The following STX7 variants were observed in gnomAD, a reference collection of about 807,000 sequenced individuals.
The protein encoded by STX7 is syntaxin 7.
STX7 carries 34 observed loss-of-function variants against 39.6 expected under a neutral mutation model. The ratio of observed to expected loss-of-function variants is 0.86; its 90% CI spans 0.65 to 1.14. The LOEUF is 1.14. STX7 is among the 50% of genes most tolerant of loss of function. The pLI is 0.00. For synonymous variants in STX7, 119 were observed against 99.1 expected (o/e 1.20, Z -1.19); for missense variants, 284 against 310.4 (o/e 0.92, Z 0.64).
intron 1 of STX7, among the ~76,000 whole-genome samples, chr6:132,512,718 C>T (rs1582693220): frequency 6.6e-6 from 1 of 152,322 alleles, no homozygotes; most frequent in East Asian, 1.9e-4. Flanking sequence ...GGAGCTCTGC[C>T]CAGGGGACCG....
At position 132,451,537 on chromosome 6, in the gene STX7, A is replaced by G. The variant is rs914093817; in HGVS notation, c.*9221T>C. The G allele has an allele frequency of 5.0e-4, 76 of 152,324 alleles. No individual in the cohort carries two copies. The highest frequency in any genetic ancestry group is 1.7e-3 in the African/African-American group (69 of 41,578). 9.4% of individuals were successfully genotyped at this position (152,324 alleles called of 1,614,324 possible). A position where few individuals can be genotyped will look rare whatever the true frequency, so the allele number is the denominator to read the frequency against. On this transcript the variant is annotated 3_prime_UTR_variant, in exon 10 of 10. Coordinates refer to ENST00000367941, the MANE Select transcript of STX7 (RefSeq NM_003569.3). ...AGAAAACTGAGAGAATTTGTTGCCA[A>G]TGGAACTACAATAATAATAATAAGG...
chr6:132,491,602 A>C (rs1350411574), intron 2 of STX7, among the ~76,000 whole-genome samples: 1 of 152,110 alleles, frequency 6.6e-6, no homozygotes. Flanking sequence ...TGATTTCAAT[A>C]CACAGGCTGA....
At chr6:132,509,840 A>T (rs751136863) in intron 1 of STX7, among the ~76,000 whole-genome samples, 4 of 152,240 alleles carry the variant, frequency 2.6e-5, no homozygotes, top group Admixed American at 2.0e-4. Flanking sequence ...ATCTCTGCAT[A>T]TAGGCTAAAT....
intron 2 of STX7, among the ~76,000 whole-genome samples, chr6:132,493,685 G>C (rs1775351632): frequency 1.3e-5 from 2 of 152,158 alleles, no homozygotes; most frequent in Admixed American, 6.5e-5. Context: ...AGCAATGTGA[G>C]AATGGACTAA....
At chr6:132,464,782 C>T (rs145335371) in intron 8 of STX7, among the ~76,000 whole-genome samples, 1 of 152,276 alleles carries the variant, frequency 6.6e-6, no homozygotes, top group East Asian at 1.9e-4. Context: ...GCCATTTACT[C>T]TGTGGTCATC....
In STX7 at chr6:132,454,416, T is replaced by C. The variant is rs537272121; in HGVS notation, c.*6342A>G. The C allele has an allele frequency of 6.6e-6, 1 of 152,264 alleles. No individual in the cohort carries two copies. The highest frequency in any genetic ancestry group is 2.1e-4 in the South Asian group (1 of 4,828). The allele number at this position is 152,264 out of a possible 1,614,324, so 9.4% of individuals were successfully genotyped here. On this transcript the variant is annotated 3_prime_UTR_variant, in exon 10 of 10. Transcript: ENST00000367941. ...TCAGTATCCTGGGTATGATATTGTA[T>C]GACAGTTTTGAAAGATGTTCACTGT...
intron 2 of STX7, among the ~76,000 whole-genome samples, chr6:132,500,001 T>C (rs1018366183): frequency 4.6e-5 from 7 of 152,092 alleles, no homozygotes; most frequent in African/African-American, 1.4e-4. Context: ...CTACCATCCC[T>C]ACCCACATGC....
At chr6:132,471,712 A>T in intron 4 of STX7, 112 bp from the exon 5 acceptor site, 1 of 1,196,070 alleles carries the variant, frequency 8.4e-7, no homozygotes, top group Non-Finnish European at 1.2e-6. Flanking sequence ...CCCCAATTAC[A>T]GGGCCTTACA....
intron 2 of STX7, among the ~76,000 whole-genome samples, chr6:132,494,564 G>A (rs1775376473): frequency 6.6e-6 from 1 of 151,636 alleles, no homozygotes; most frequent in Admixed American, 6.6e-5. Context: ...ATGTAGATCT[G>A]GGAAGATGTC....
chr6:132,502,128 G>A (rs1456074053), intron 2 of STX7, among the ~76,000 whole-genome samples: 5 of 152,204 alleles, frequency 3.3e-5, no homozygotes, highest in African/African-American at 1.2e-4. Flanking sequence ...ATACCACTGT[G>A]CACAGCAGCA....
intron 3 of STX7, among the ~76,000 whole-genome samples, chr6:132,474,808 C>A (rs1469423905): frequency 2.0e-5 from 3 of 152,144 alleles, no homozygotes; most frequent in African/African-American, 7.2e-5. Flanking sequence ...TGCTGGTCTT[C>A]TAACAGCATA....
At chr6:132,477,998 T>C (rs2114399070) in intron 2 of STX7, among the ~76,000 whole-genome samples, 1 of 152,184 alleles carries the variant, frequency 6.6e-6, no homozygotes, top group South Asian at 2.1e-4. Context: ...GTTGAGAATA[T>C]AATTACAATC....
At chr6:132,488,126 T>C (rs1036579434) in intron 2 of STX7, among the ~76,000 whole-genome samples, 3 of 152,244 alleles carry the variant, frequency 2.0e-5, no homozygotes, top group Non-Finnish European at 2.9e-5. Context: ...TTCCTCTTTT[T>C]GGCTTTCTCT....
At chr6:132,501,955 A>G (rs1029718897) in intron 2 of STX7, among the ~76,000 whole-genome samples, 2 of 151,890 alleles carry the variant, frequency 1.3e-5, no homozygotes, top group African/African-American at 4.8e-5. Context: ...AGCAAAGCAG[A>G]GCCAACGCCG....
At position 132,463,457 on chromosome 6, in the gene STX7, G is replaced by A. The variant is rs990853117; in HGVS notation, c.693+536C>T. Reference sequence around the variant, plus strand: ...GCATGTGGACTCCCTATATTAACCCGACTCAAGAAATAAATTCATTCCTGG... The same window carrying A: ...GCATGTGGACTCCCTATATTAACCCAACTCAAGAAATAAATTCATTCCTGG... On this transcript the variant is annotated intron_variant, in intron 9 of 9. Coordinates refer to ENST00000367941, the MANE Select transcript of STX7 (RefSeq NM_003569.3). Among the ~76,000 whole-genome samples the A allele has an allele frequency of 5.3e-5, 8 of 152,014 alleles. No individual in the cohort carries two copies. The South Asian group carries it at 8.3e-4, about 16-fold the overall frequency.
rs1440304257 is a variant in STX7, at chr6:132,512,988, C to T, written c.-59+19G>A. 1 of 152,340 alleles carries T rather than the reference C, an allele frequency of 6.6e-6. No homozygotes were observed. The highest frequency in any genetic ancestry group is 1.5e-5 in the Non-Finnish European group (1 of 68,132). The allele number at this position is 152,340 out of a possible 1,614,324, so 9.4% of individuals were successfully genotyped here. ...CCCTGTCGCCCGGCCAGGGAGCCCCCTCCCCAGGGTCCTCTTACCTGGACC... is the reference window on the plus strand; with the variant it reads ...CCCTGTCGCCCGGCCAGGGAGCCCCTTCCCCAGGGTCCTCTTACCTGGACC... On this transcript the variant is annotated intron_variant, in intron 1 of 9. Coordinates refer to ENST00000367941, the MANE Select transcript of STX7 (RefSeq NM_003569.3).
Position 132,456,474 on chromosome 6 carries a change from T to G in STX7, c.*4284A>C, listed in dbSNP as rs1266448428. 6.6e-6 allele frequency: 1 copy of G among 152,144 alleles called. No homozygotes were observed. Among genetic ancestry groups the G allele is most frequent in the Non-Finnish European group, 1.5e-5 (1 of 68,032 alleles). The allele number at this position is 152,144 out of a possible 1,614,324, so 9.4% of individuals were successfully genotyped here. ...TAGAACACTATGCCCAGGCATGTAG[T>G]AGCCTGGCAAAAAGCCGGCCCCAAA... is the stretch of plus-strand genomic sequence containing the variant. On this transcript the variant is annotated 3_prime_UTR_variant, in exon 10 of 10. Transcript: ENST00000367941.
intron 2 of STX7, among the ~76,000 whole-genome samples, chr6:132,481,294 A>T (rs1283047139): frequency 1.3e-5 from 2 of 152,148 alleles, no homozygotes; most frequent in East Asian, 3.8e-4. Context: ...TTATAATATG[A>T]CCACTGAGAA....
At position 132,513,062 on chromosome 6, in the gene STX7, G is replaced by A. The variant is rs1383077631; in HGVS notation, c.-114C>T. On this transcript the variant is annotated 5_prime_UTR_variant, in exon 1 of 10. Coordinates refer to ENST00000367941, the MANE Select transcript of STX7 (RefSeq NM_003569.3). Reference sequence around the variant, plus strand: ...CGACCGCCGTCACCCACCTACCCCGGAGCCCTCAGCTGCAATTCTCAGCTG... The same window carrying A: ...CGACCGCCGTCACCCACCTACCCCGAAGCCCTCAGCTGCAATTCTCAGCTG... 1.3e-5 allele frequency: 2 copies of A among 152,244 alleles called. No homozygotes were observed. Among genetic ancestry groups the A allele is most frequent in the African/African-American group, 2.4e-5 (1 of 41,436 alleles). 9.4% of individuals were successfully genotyped at this position (152,244 alleles called of 1,614,324 possible). A position where few individuals can be genotyped will look rare whatever the true frequency, so the allele number is the denominator to read the frequency against.
Sources: gnomAD v4.1 joint callset for allele counts (sites outside exome capture counted in the v4.1 genomes callset) on GRCh38, gnomAD v4.1.1 for gene constraint, MANE v1.5 for transcripts, NCBI Gene and HGNC (gene_info 2026-07-23, HGNC 2026-07-21) for gene names.